EPM2A: variants seen among roughly 807,000 people sequenced by gnomAD.
EPM2A encodes the protein laforin.
In EPM2A, 21 loss-of-function variants were observed where a neutral mutation model predicts 26.5. That is an observed-to-expected ratio of 0.79 (90% CI 0.56 to 1.14). The LOEUF is 1.14. EPM2A is among the 50% of genes most tolerant of loss of function. The pLI is 0.00. For synonymous variants in EPM2A, 217 were observed against 177.6 expected, an observed-to-expected ratio of 1.22 and a Z score of -1.76; for missense variants, 458 against 440.8, an observed-to-expected ratio of 1.04 and a Z score of -0.35.
rs1411318274 is a variant in EPM2A at position 145,537,701 on chromosome 6, G to A, written c.341-35126C>T. On this transcript the variant is annotated intron_variant, in intron 2 of 3. Transcript: ENST00000450221. ...CTGCACCTATCAACCTGTAATCTAG[G>A]TTTTAAGCCCAGCATGCATTAGGTA... is the stretch of plus-strand genomic sequence containing the variant. Among the ~76,000 whole-genome samples the A allele has an allele frequency of 2.0e-5, 3 of 151,180 alleles. No individual in the cohort carries two copies. The East Asian group carries it at 5.9e-4, about 30-fold the overall frequency.
chr6:145,417,173 C>T (rs552190675), intron 4 of EPM2A, among the ~76,000 whole-genome samples: 2 of 152,316 alleles, frequency 1.3e-5, no homozygotes, highest in East Asian at 1.9e-4. Context: ...AGTTGCTCTT[C>T]GCTTATTTCA....
chr6:145,432,387 G>A (rs1406225125), intron 4 of EPM2A, among the ~76,000 whole-genome samples: 3 of 152,092 alleles, frequency 2.0e-5, no homozygotes, highest in Non-Finnish European at 4.4e-5. Flanking sequence ...TGATCTATGG[G>A]CTGCAGAATG....
At chr6:145,509,573 A>G (rs1327734545) in intron 2 of EPM2A, among the ~76,000 whole-genome samples, 1 of 152,198 alleles carries the variant, frequency 6.6e-6, no homozygotes, top group Non-Finnish European at 1.5e-5. Flanking sequence ...TGGCCCTATA[A>G]GAGATGCTTA....
Position 145,491,694 on chromosome 6 carries a change from C to T in EPM2A, c.555+10828G>A, listed in dbSNP as rs1012580955. ...CCAGACTTGAGTGTGGGACCCTTGCCGGGGACCTGTCCTCCTTTGCCCAGA... is the reference window on the plus strand; with the variant it reads ...CCAGACTTGAGTGTGGGACCCTTGCTGGGGACCTGTCCTCCTTTGCCCAGA... On this transcript the variant is annotated intron_variant, in intron 4 of 4. Transcript: ENST00000638717. 3.4e-4 allele frequency: 153 copies of T among 450,196 alleles called. 5 individuals carry two copies. The highest frequency in any genetic ancestry group is 2.3e-3 in the South Asian group (138 of 59,430). The allele number at this position is 450,196 out of a possible 1,614,324, so 27.9% of individuals were successfully genotyped here.
Position 145,505,496 on chromosome 6 carries a change from T to G in EPM2A, c.341-2921A>C, listed in dbSNP as rs564859668. 1.2e-4 allele frequency among the ~76,000 whole-genome samples: 18 copies of G among 152,294 alleles called. No homozygotes were observed. In the South Asian group the frequency reaches 3.3e-3, roughly 28 times the overall value. The stretch of plus-strand genomic sequence containing the variant: ...GAATCTAGGATGTTCCATTACCACC[T>G]ACATAGTCAGTATATTTTAAAATTA... On this transcript the variant is annotated intron_variant, in intron 2 of 3. Coordinates refer to the EPM2A transcript ENST00000450221.
chr6:145,404,296 G>A (rs183970858), intron 4 of EPM2A, among the ~76,000 whole-genome samples: 1 of 151,760 alleles, frequency 6.6e-6, no homozygotes, highest in East Asian at 1.9e-4. Flanking sequence ...AAACACCCAA[G>A]TTTTTTATCC....
chr6:145,416,767 T>C (rs1158466304), intron 4 of EPM2A, among the ~76,000 whole-genome samples: 3 of 152,208 alleles, frequency 2.0e-5, no homozygotes, highest in East Asian at 3.8e-4. Flanking sequence ...ATTTTTATGT[T>C]ATTAAAATAT....
intron 2 of EPM2A, among the ~76,000 whole-genome samples, chr6:145,536,027 T>C (rs1780425773): frequency 6.6e-6 from 1 of 152,240 alleles, no homozygotes; most frequent in African/African-American, 2.4e-5. Context: ...AAGTCAGTAA[T>C]GTTTTGATGT....
intron 2 of EPM2A, among the ~76,000 whole-genome samples, chr6:145,530,556 C>CTTACTACCCA (rs1213843356): frequency 9.3e-4 from 142 of 152,204 alleles, no homozygotes; most frequent in Non-Finnish European, 1.4e-3. Flanking sequence ...CATTATTGTG[C>CTTACTACCCA]CAGTTACTCA....
At chr6:145,444,159 G>A (rs1779102373) in intron 4 of EPM2A, among the ~76,000 whole-genome samples, 1 of 152,090 alleles carries the variant, frequency 6.6e-6, no homozygotes, top group African/African-American at 2.4e-5. Flanking sequence ...TGCATGAGTG[G>A]ACATCTTTGA....
intron 2 of EPM2A, among the ~76,000 whole-genome samples, chr6:145,504,286 CT>C (rs1445503946): frequency 9.1e-6 from 1 of 110,428 alleles, no homozygotes; most frequent in Admixed American, 9.0e-5. Flanking sequence ...GCAAAAGAAA[CT>C]ACCATCAGAG....
At chr6:145,466,965 G>T (rs1779406433) in intron 4 of EPM2A, among the ~76,000 whole-genome samples, 1 of 152,132 alleles carries the variant, frequency 6.6e-6, no homozygotes, top group Non-Finnish European at 1.5e-5. Context: ...GACACAGGAA[G>T]GGGAACATCA....
chr6:145,515,288 T>A (rs1456572698), intron 2 of EPM2A, among the ~76,000 whole-genome samples: 2 of 152,188 alleles, frequency 1.3e-5, no homozygotes, highest in Non-Finnish European at 2.9e-5. Flanking sequence ...TTTCTAGAAC[T>A]GAAATAAATG....
intron 4 of EPM2A, among the ~76,000 whole-genome samples, chr6:145,461,362 A>G (rs985715562): frequency 6.6e-6 from 1 of 152,180 alleles, no homozygotes; most frequent in Non-Finnish European, 1.5e-5. Context: ...GGCAGTTGGG[A>G]GATTTTCACA....
rs3063952 is a variant in EPM2A, at chr6:145,435,409, T to TTATATA, written c.556-51318_556-51313dup. Among the ~76,000 whole-genome samples, 323 of 126,562 alleles carry TTATATA rather than the reference T, an allele frequency of 2.6e-3. 2 individuals are homozygous for TTATATA. Among genetic ancestry groups the TTATATA allele is most frequent in the African/African-American group, 8.3e-3 (273 of 33,038 alleles). The allele number at this position is 126,562 out of a possible 152,430, so 83.0% of individuals were successfully genotyped here. ...TCAATGAGAGAAAAGAGTGAAGAAT[T>TTATATA]TATATATATATATATATATATATGT... is the stretch of plus-strand genomic sequence containing the variant. On this transcript the variant is annotated intron_variant, in intron 4 of 4. Coordinates refer to the EPM2A transcript ENST00000638717.
intron 2 of EPM2A, among the ~76,000 whole-genome samples, chr6:145,539,479 C>A (rs1769897835): frequency 6.6e-6 from 1 of 152,092 alleles, no homozygotes; most frequent in South Asian, 2.1e-4. Flanking sequence ...TTTGCCCTGC[C>A]AGCGATAAGG....
intron 3 of EPM2A, chr6:145,629,533 T>C (rs906934418): frequency 1.3e-5 from 2 of 152,246 alleles, no homozygotes; most frequent in Non-Finnish European, 2.9e-5. Context: ...CTATTTGCGC[T>C]GGGGGATCAG....
At chr6:145,648,209 A>G (rs1777626518) in intron 2 of EPM2A, among the ~76,000 whole-genome samples, 1 of 152,184 alleles carries the variant, frequency 6.6e-6, no homozygotes, top group African/African-American at 2.4e-5. Context: ...TAATTCTCCA[A>G]AACACTTTTT....
chr6:145,411,279 T>C (rs1778639225), intron 4 of EPM2A, among the ~76,000 whole-genome samples: 1 of 152,228 alleles, frequency 6.6e-6, no homozygotes, highest in African/African-American at 2.4e-5. Flanking sequence ...ATACATTCCC[T>C]AATAAGTTTA....
Sources: gnomAD v4.1 joint callset for allele counts (sites outside exome capture counted in the v4.1 genomes callset) on GRCh38, gnomAD v4.1.1 for gene constraint, MANE v1.5 for transcripts, NCBI Gene and HGNC (gene_info 2026-07-23, HGNC 2026-07-21) for gene names.